GPC5: variants seen among roughly 807,000 people sequenced by gnomAD.
GPC5 encodes glypican 5.
A neutral mutation model predicts 53.9 loss-of-function variants in GPC5; 47 were observed. The observed-to-expected ratio is 0.87, with a 90% confidence interval of 0.69 to 1.11. The LOEUF is 1.11. Among genes scored for constraint, GPC5 ranks in the 50% most tolerant of loss-of-function variants. The pLI is 0.00. For missense variants in GPC5, 748 were observed against 713.1 expected, an observed-to-expected ratio of 1.05 and a Z score of -0.56; for synonymous variants, 286 against 263.3, an observed-to-expected ratio of 1.09 and a Z score of -0.84.
Position 91,975,145 on chromosome 13 carries a change from TA to T in GPC5, c.1401+67089del, listed in dbSNP as rs1441869360. On this transcript the variant is annotated intron_variant, in intron 6 of 7. Coordinates refer to ENST00000377067, the MANE Select transcript of GPC5 (RefSeq NM_004466.6). ...CAAGATGGATTAAAGACTTAAACGT[TA>T]GACCTAAAACCATAAAAACCCTAGA... 4.6e-5 allele frequency among the ~76,000 whole-genome samples: 7 copies of T among 152,234 alleles called. No individual in the cohort carries two copies. The East Asian group carries it at 1.4e-3, about 29-fold the overall frequency.
intron 7 of GPC5, among the ~76,000 whole-genome samples, chr13:92,859,600 C>T (rs115421020): frequency 0.013 from 1,917 of 151,964 alleles, 31 homozygotes; most frequent in African/African-American, 0.044. Context: ...TTCCAAATTA[C>T]CTGTAAATTC....
intron 7 of GPC5, among the ~76,000 whole-genome samples, chr13:92,153,251 C>T (rs1333225346): frequency 6.6e-6 from 1 of 152,140 alleles, no homozygotes; most frequent in East Asian, 1.9e-4. Flanking sequence ...GCCTCAGCCT[C>T]CAGAGTAGCT....
chr13:92,851,869 CAGA>C (rs901054553), intron 7 of GPC5, among the ~76,000 whole-genome samples: 41 of 119,620 alleles, frequency 3.4e-4, no homozygotes, highest in Non-Finnish European at 5.4e-4. Context: ...GCCTGAGTGA[CAGA>C]GCAAGACTCC....
At chr13:92,303,181 T>C (rs912831753) in intron 7 of GPC5, among the ~76,000 whole-genome samples, 4 of 152,060 alleles carry the variant, frequency 2.6e-5, no homozygotes, top group Non-Finnish European at 5.9e-5. Flanking sequence ...ACAAGTGAGT[T>C]TGAAGTTGCA....
intron 3 of GPC5, among the ~76,000 whole-genome samples, chr13:91,705,437 G>A (rs897464343): frequency 6.6e-6 from 1 of 152,160 alleles, no homozygotes; most frequent in Non-Finnish European, 1.5e-5. Context: ...TAGAAAGCAT[G>A]GTAGGTTTTG....
intron 7 of GPC5, among the ~76,000 whole-genome samples, chr13:92,861,320 A>C (rs2138855543): frequency 6.6e-6 from 1 of 152,272 alleles, no homozygotes; most frequent in South Asian, 2.1e-4. Context: ...TATTTGGTCT[A>C]AGCAAATGAA....
chr13:92,062,975 C>T (rs7984492), intron 6 of GPC5, among the ~76,000 whole-genome samples: 84,800 of 151,516 alleles, frequency 0.56, 24,149 homozygotes, highest in East Asian at 0.79. Context: ...TTCGTAAGGG[C>T]TTTTTAATAT....
chr13:92,326,596 G>A (rs1269696097), intron 7 of GPC5, among the ~76,000 whole-genome samples: 1 of 152,004 alleles, frequency 6.6e-6, no homozygotes, highest in African/African-American at 2.4e-5. Context: ...CTGCAAGTTG[G>A]CAAACTATAG....
chr13:92,664,334 C>A (rs1886498581), intron 7 of GPC5, among the ~76,000 whole-genome samples: 1 of 148,516 alleles, frequency 6.7e-6, no homozygotes, highest in South Asian at 2.2e-4. Flanking sequence ...GATCACCCTG[C>A]CAGTCACCAA....
intron 6 of GPC5, among the ~76,000 whole-genome samples, chr13:92,011,921 G>T (rs1240708527): frequency 6.6e-6 from 1 of 152,128 alleles, no homozygotes; most frequent in Non-Finnish European, 1.5e-5. Flanking sequence ...ATTTTTAAAA[G>T]TCAGACTTAC....
intron 7 of GPC5, among the ~76,000 whole-genome samples, chr13:92,158,201 C>T (rs1404756286): frequency 1.3e-5 from 2 of 152,168 alleles, no homozygotes; most frequent in African/African-American, 4.8e-5. Context: ...TCAATGTTTG[C>T]ACTCTTCCTG....
At chr13:92,135,492 T>A (rs2041776729) in intron 6 of GPC5, among the ~76,000 whole-genome samples, 1 of 152,110 alleles carries the variant, frequency 6.6e-6, no homozygotes, top group African/African-American at 2.4e-5. Flanking sequence ...CCAGTCAATT[T>A]TGGTATGAGG....
At chr13:92,415,114 G>A (rs552555129) in intron 7 of GPC5, among the ~76,000 whole-genome samples, 4 of 152,320 alleles carry the variant, frequency 2.6e-5, no homozygotes, top group African/African-American at 9.6e-5. Flanking sequence ...CAGCAAGTGG[G>A]AGATGCGAGA....
intron 6 of GPC5, among the ~76,000 whole-genome samples, chr13:91,970,042 A>G (rs1291293412): frequency 6.6e-6 from 1 of 152,194 alleles, no homozygotes; most frequent in Non-Finnish European, 1.5e-5. Flanking sequence ...AATAAATGGT[A>G]AAGAAAATGT....
At chr13:91,676,632 G>A (rs1226350292) in intron 2 of GPC5, among the ~76,000 whole-genome samples, 1 of 152,118 alleles carries the variant, frequency 6.6e-6, no homozygotes, top group Non-Finnish European at 1.5e-5. Context: ...CTCACACAGA[G>A]TAGTGAATGT....
intron 7 of GPC5, among the ~76,000 whole-genome samples, chr13:92,682,314 A>G (rs961986681): frequency 1.3e-4 from 20 of 152,104 alleles, no homozygotes; most frequent in African/African-American, 3.4e-4. Flanking sequence ...CGTTTTGCCT[A>G]TTGCTACTTT....
chr13:92,649,513 C>G (rs12875257), intron 7 of GPC5, among the ~76,000 whole-genome samples: 36,298 of 152,026 alleles, frequency 0.24, 5,042 homozygotes, highest in South Asian at 0.39. Flanking sequence ...AATGGTATGA[C>G]ACTCATTGTT....
At chr13:91,883,538 T>C (rs144354498) in intron 5 of GPC5, among the ~76,000 whole-genome samples, 2 of 152,250 alleles carry the variant, frequency 1.3e-5, no homozygotes, top group Non-Finnish European at 2.9e-5. Context: ...AAAAGAGCAT[T>C]CCAAAGAGAG....
intron 7 of GPC5, among the ~76,000 whole-genome samples, chr13:92,149,318 C>T (rs1473028190): frequency 6.6e-6 from 1 of 152,014 alleles, no homozygotes; most frequent in East Asian, 1.9e-4. Flanking sequence ...ATAGCACTAT[C>T]CAGTTCATAA....
Sources: gnomAD v4.1 joint callset for allele counts (sites outside exome capture counted in the v4.1 genomes callset) on GRCh38, gnomAD v4.1.1 for gene constraint, MANE v1.5 for transcripts, NCBI Gene and HGNC (gene_info 2026-07-23, HGNC 2026-07-21) for gene names.